Variants in RFX7 observed in about 807,000 individuals in gnomAD.
The protein encoded by RFX7 is regulatory factor X7.
Under a neutral mutation model 111.8 loss-of-function variants are expected in RFX7, and 26 were observed. That is an observed-to-expected ratio of 0.23 (90% confidence interval 0.17 to 0.32). The LOEUF is 0.32. RFX7 is among the 10% of genes least tolerant of loss of function. RFX7 has a pLI of 1.00. For synonymous variants in RFX7, 624 were observed against 624.4 expected, an observed-to-expected ratio of 1.00 and a Z score of 0.01; for missense variants, 1,573 against 1,772.9, an observed-to-expected ratio of 0.89 and a Z score of 2.02.
chr15:56,206,331 A>G (rs2043251502), intron 2 of RFX7, among the ~76,000 whole-genome samples: 1 of 152,240 alleles, frequency 6.6e-6, no homozygotes, highest in African/African-American at 2.4e-5. Context: ...AAAATAAGCC[A>G]GTCACAGAAA....
intron 3 of RFX7, among the ~76,000 whole-genome samples, chr15:56,150,378 G>C (rs368933420): frequency 6.6e-4 from 100 of 152,320 alleles, no homozygotes; most frequent in African/African-American, 2.1e-3. Context: ...ACACCTCCCA[G>C]ATGGGGCCGA....
chr15:56,109,927 C>A (rs1377109668), intron 5 of RFX7, among the ~76,000 whole-genome samples: 10 of 150,696 alleles, frequency 6.6e-5, no homozygotes, highest in South Asian at 2.1e-4. Context: ...GGGGGTCAGA[C>A]CCTCGCCTGG....
chr15:56,097,770 A>AAAAAAAAAAAAC, intron 9 of RFX7, among the ~76,000 whole-genome samples: 1 of 149,584 alleles, frequency 6.7e-6, no homozygotes, highest in African/African-American at 2.4e-5. Flanking sequence ...AAAAAAAAAA[A>AAAAAAAAAAAAC]ATCTTGGCTC....
chr15:56,235,258 C>G (rs1199934137), intron 2 of RFX7, among the ~76,000 whole-genome samples: 1 of 151,934 alleles, frequency 6.6e-6, no homozygotes, highest in Non-Finnish European at 1.5e-5. Flanking sequence ...ACTGCAGCCC[C>G]TGCTTTTCCC....
In RFX7 at chr15:56,161,783, G is replaced by A. The variant is rs141401058; in HGVS notation, c.196-17300C>T. The stretch of plus-strand genomic sequence containing the variant: ...AGAACCAAATGAAATGCTTAGACAA[G>A]GGCATACTGCTAAAACACTCATATA... On this transcript the variant is annotated intron_variant, in intron 3 of 9. Coordinates refer to ENST00000559447, the MANE Select transcript of RFX7 (RefSeq NM_022841.7). Among the ~76,000 whole-genome samples, 251 of 152,124 alleles carry A rather than the reference G, an allele frequency of 1.6e-3. 2 individuals are homozygous for A. Among genetic ancestry groups the A allele is most frequent in the African/African-American group, 5.8e-3 (241 of 41,542 alleles).
chr15:56,145,551 C>A (rs1471403937), intron 3 of RFX7, among the ~76,000 whole-genome samples: 1 of 152,170 alleles, frequency 6.6e-6, no homozygotes, highest in Non-Finnish European at 1.5e-5. Flanking sequence ...TTCCAATTGG[C>A]TCTTGCTCCA....
At chr15:56,113,208 T>A (rs1411096991) in intron 5 of RFX7, among the ~76,000 whole-genome samples, 1 of 152,220 alleles carries the variant, frequency 6.6e-6, no homozygotes. Context: ...CAAATGTATG[T>A]TTACTGCAGC....
intron 5 of RFX7, among the ~76,000 whole-genome samples, chr15:56,136,005 T>G (rs2042296744): frequency 6.6e-6 from 1 of 152,080 alleles, no homozygotes; most frequent in Admixed American, 6.5e-5. Context: ...ACCATGCTGT[T>G]TTGGTTACTG....
intron 3 of RFX7, chr15:56,160,857 A>G (rs1343511546): frequency 6.6e-6 from 1 of 151,984 alleles, no homozygotes; most frequent in Non-Finnish European, 1.5e-5. Context: ...CAGTTTCCTA[A>G]CTTGTTATGA....
intron 2 of RFX7, among the ~76,000 whole-genome samples, chr15:56,235,384 C>G (rs570506042): frequency 2.0e-5 from 3 of 152,188 alleles, no homozygotes; most frequent in African/African-American, 7.2e-5. Context: ...CCATGTTAGC[C>G]AGGATAGTCT....
intron 2 of RFX7, among the ~76,000 whole-genome samples, chr15:56,232,444 G>A (rs901262744): frequency 4.6e-5 from 7 of 152,174 alleles, no homozygotes; most frequent in South Asian, 4.1e-4. Flanking sequence ...CTCCTAGGCC[G>A]CTGGGTCTGT....
rs540213443 is a variant in RFX7 at position 56,090,711 on chromosome 15, T to A, written c.*2634A>T. 6.6e-6 allele frequency: 1 copy of A among 152,560 alleles called. No homozygotes were observed. The highest frequency in any genetic ancestry group is 1.5e-5 in the Non-Finnish European group (1 of 67,998). The allele number at this position is 152,560 out of a possible 1,614,324, so 9.5% of individuals were successfully genotyped here. A position where few individuals can be genotyped will look rare whatever the true frequency, so the allele number is the denominator to read the frequency against. On this transcript the variant is annotated 3_prime_UTR_variant, in exon 10 of 10. Transcript: ENST00000559447. ...CTGACTTTTTGCACTAAATGAAACA[T>A]GAAACAGGGCTTGTTTTTGTCATTT...
chr15:56,140,276 G>A (rs1426171410), intron 5 of RFX7, among the ~76,000 whole-genome samples: 1 of 152,198 alleles, frequency 6.6e-6, no homozygotes, highest in African/African-American at 2.4e-5. Context: ...AGACTCCATG[G>A]GCGTAGGACC....
chr15:56,175,030 T>A (rs1223232078), intron 3 of RFX7, among the ~76,000 whole-genome samples: 1 of 152,186 alleles, frequency 6.6e-6, no homozygotes, highest in Non-Finnish European at 1.5e-5. Context: ...ATTAAAACTC[T>A]TTTTATTCGT....
At chr15:56,164,751 C>T (rs190166234) in intron 3 of RFX7, among the ~76,000 whole-genome samples, 1 of 152,148 alleles carries the variant, frequency 6.6e-6, no homozygotes, top group Admixed American at 6.5e-5. Flanking sequence ...TAATGGACAA[C>T]TCATGTGTGC....
chr15:56,132,195 T>C lies in RFX7; in HGVS notation c.401+10583A>G, dbSNP rs1369591980. 4.6e-5 allele frequency among the ~76,000 whole-genome samples: 7 copies of C among 152,024 alleles called. No individual in the cohort carries two copies. In the East Asian group the frequency reaches 1.2e-3, roughly 25 times the overall value. ...TGTTTGAATCAAAATCCCCTTAGAG[T>C]TTCCTTTTTTAAAATCAGAAAACTG... On this transcript the variant is annotated intron_variant, in intron 5 of 9. Transcript: ENST00000559447.
chr15:56,165,592 A>C (rs1371893470), intron 3 of RFX7, among the ~76,000 whole-genome samples: 1 of 152,200 alleles, frequency 6.6e-6, no homozygotes, highest in Non-Finnish European at 1.5e-5. Flanking sequence ...ATACGTACCA[A>C]TGAGAAGGAA....
chr15:56,167,165 G>A (rs1448991350), intron 3 of RFX7, among the ~76,000 whole-genome samples: 6 of 151,640 alleles, frequency 4.0e-5, no homozygotes, highest in African/African-American at 9.7e-5. Flanking sequence ...TTTTTTTGCC[G>A]GGTTTGGTGG....
chr15:56,112,025 G>C (rs887599070), intron 5 of RFX7, among the ~76,000 whole-genome samples: 6 of 151,528 alleles, frequency 4.0e-5, no homozygotes, highest in Non-Finnish European at 7.4e-5. Flanking sequence ...TGAGGCAGGA[G>C]AATCACTTGA....
Sources: gnomAD v4.1 joint callset for allele counts (sites outside exome capture counted in the v4.1 genomes callset) on GRCh38, gnomAD v4.1.1 for gene constraint, MANE v1.5 for transcripts, NCBI Gene and HGNC (gene_info 2026-07-23, HGNC 2026-07-21) for gene names.